The following ISM1 variants were observed in gnomAD, a reference collection of about 807,000 sequenced individuals.
ISM1 encodes the protein isthmin 1.
Under a neutral mutation model 46.3 loss-of-function variants are expected in ISM1, and 25 were observed. That is an observed-to-expected ratio of 0.54 (90% CI 0.39 to 0.75). The LOEUF (loss-of-function observed/expected upper bound fraction) is 0.75, where lower values mean the gene tolerates loss of function less well. Among genes scored for constraint, ISM1 ranks in the 30% least tolerant of loss-of-function variants. The pLI is 0.00. For synonymous variants in ISM1, 255 were observed against 256.7 expected (o/e 0.99, Z 0.06); for missense variants, 536 against 625.4 (o/e 0.86, Z 1.52).
intron 1 of ISM1, among the ~76,000 whole-genome samples, chr20:13,233,479 C>T (rs1003779629): frequency 6.6e-6 from 1 of 151,546 alleles, no homozygotes; most frequent in African/African-American, 2.4e-5. Flanking sequence ...CCTGTAATCC[C>T]AGCTACTCGG....
intron 2 of ISM1, among the ~76,000 whole-genome samples, chr20:13,277,466 G>A (rs145784303): frequency 1.4e-4 from 22 of 152,116 alleles, no homozygotes; most frequent in African/African-American, 3.6e-4. Context: ...GCTCAGCATC[G>A]CCCTGTCACT....
At chr20:13,320,493 A>C in the ISM1 span, among the ~76,000 whole-genome samples, 2 of 152,218 alleles carry the variant, frequency 1.3e-5, no homozygotes, top group Non-Finnish European at 2.9e-5. Flanking sequence ...GACAGATATT[A>C]GGTGGCTTTA....
chr20:13,282,731 C>A (rs940770495), intron 3 of ISM1, among the ~76,000 whole-genome samples: 19 of 152,204 alleles, frequency 1.2e-4, no homozygotes, highest in Non-Finnish European at 5.9e-5. Context: ...CTGTGCAGTA[C>A]CTCTAAAGCA....
At chr20:13,311,239 TA>T in the ISM1 span, among the ~76,000 whole-genome samples, 784 of 110,264 alleles carry the variant, frequency 7.1e-3, 6 homozygotes, top group African/African-American at 0.023. Context: ...GATAGATAGA[TA>T]GATGATAGAT....
intron 1 of ISM1, among the ~76,000 whole-genome samples, chr20:13,235,863 A>T (rs1187160525): frequency 5.9e-5 from 9 of 152,178 alleles, no homozygotes; most frequent in Admixed American, 5.2e-4. Context: ...AGATGCAACA[A>T]GAGAAACAGA....
At chr20:13,225,154 A>C (rs1600473835) in intron 1 of ISM1, among the ~76,000 whole-genome samples, 2 of 151,960 alleles carry the variant, frequency 1.3e-5, no homozygotes, top group South Asian at 2.1e-4. Flanking sequence ...CGCCCGGCCC[A>C]TACTAGCTTT....
chr20:13,239,189 G>A (rs1188108581), intron 1 of ISM1: 1 of 152,178 alleles, frequency 6.6e-6, no homozygotes, highest in Admixed American at 6.6e-5. Context: ...AATAATGAAA[G>A]GCAAGTTCTC....
chr20:13,279,889 C>T lies in ISM1; in HGVS notation c.634C>T (p.Pro212Ser). 1 of 1,613,758 alleles carries T rather than the reference C, an allele frequency of 6.2e-7. No homozygotes were observed. Among genetic ancestry groups the T allele is most frequent in the Non-Finnish European group, 8.5e-7 (1 of 1,179,776 alleles). Residue 212 changes from proline to serine, a missense_variant, in exon 3 of 6, where the codon CCA becomes TCA. By Grantham distance (74) the Pro-to-Ser change is moderately conservative (BLOSUM62 -1). Around this residue, in one of 2 missense-constraint regions of ISM1, gnomAD observed 367 missense variants for 376.1 expected, o/e 0.98. Coordinates refer to ENST00000262487, the MANE Select transcript of ISM1 (RefSeq NM_080826.2). The part of the protein sequence containing the change: ...GHRTFETKDQ[P>S]EYDSTDGEGD... ...CCGGACTTTTGAAACCAAAGATCAG[C>T]CAGAATATGGTGAGTTTACCACCTA...
rs551609211 is a variant in ISM1 at position 13,295,172 on chromosome 20, C to G, written c.877+2709C>G. ...TCTTTACTCCAAAGTCCACCAGCCA[C>G]CAAGGCCTGGCAGCTGTAACTCTCT... On this transcript the variant is annotated intron_variant, in intron 5 of 5. Transcript: ENST00000262487. 4.6e-5 allele frequency among the ~76,000 whole-genome samples: 7 copies of G among 152,286 alleles called. No individual in the cohort carries two copies. The South Asian group carries it at 1.5e-3, about 32-fold the overall frequency.
intron 1 of ISM1, among the ~76,000 whole-genome samples, chr20:13,251,340 C>A (rs1450351262): frequency 6.6e-6 from 1 of 152,222 alleles, no homozygotes; most frequent in Non-Finnish European, 1.5e-5. Context: ...CAGTTCTTAA[C>A]CTTCAAACTG....
intron 1 of ISM1, among the ~76,000 whole-genome samples, chr20:13,237,405 A>G (rs1001889273): frequency 6.6e-6 from 1 of 152,226 alleles, no homozygotes; most frequent in Non-Finnish European, 1.5e-5. Flanking sequence ...ACAAATGACA[A>G]CTATATGCAA....
chr20:13,248,166 C>A (rs2039823978), intron 1 of ISM1, among the ~76,000 whole-genome samples: 2 of 152,212 alleles, frequency 1.3e-5, no homozygotes, highest in African/African-American at 4.8e-5. Context: ...TAGTACATTT[C>A]TTTGTGTGCA....
rs73901626 is a variant in ISM1, at chr20:13,267,453, A to G, written c.139-3051A>G. Among the ~76,000 whole-genome samples, 1,521 of 152,226 alleles carry G rather than the reference A, an allele frequency of 1.0e-2. 32 individuals are homozygous for G. Among genetic ancestry groups the G allele is most frequent in the African/African-American group, 0.035 (1,445 of 41,530 alleles). On this transcript the variant is annotated intron_variant, in intron 1 of 5. Transcript: ENST00000262487. Reference sequence around the variant, plus strand: ...GCCCAGCCAGTGACCCTAACGCGACACTTCCCTTTCCATGTGTAGACACAA... The same window carrying G: ...GCCCAGCCAGTGACCCTAACGCGACGCTTCCCTTTCCATGTGTAGACACAA...
intron 3 of ISM1, among the ~76,000 whole-genome samples, chr20:13,286,758 G>T (rs561291006): frequency 6.6e-6 from 1 of 152,328 alleles, no homozygotes; most frequent in African/African-American, 2.4e-5. Flanking sequence ...GTAAACAACA[G>T]CCTGGAAGGC....
At chr20:13,312,350 T>A in the ISM1 span, among the ~76,000 whole-genome samples, 1 of 152,296 alleles carries the variant, frequency 6.6e-6, no homozygotes, top group African/African-American at 2.4e-5. Context: ...TATGGAAATG[T>A]CGTGGGTGAG....
chr20:13,295,829 G>A (rs1166402182), intron 5 of ISM1, among the ~76,000 whole-genome samples: 1 of 152,214 alleles, frequency 6.6e-6, no homozygotes, highest in Non-Finnish European at 1.5e-5. Context: ...AGAGCAGCCA[G>A]GGGGTGGATG....
intron 1 of ISM1, among the ~76,000 whole-genome samples, chr20:13,237,585 A>G (rs1332356678): frequency 1.3e-5 from 2 of 152,196 alleles, no homozygotes; most frequent in African/African-American, 4.8e-5. Context: ...CAAGGAGGGC[A>G]GCTAGGGTGC....
At chr20:13,289,618 AG>A (rs2040331111) in intron 4 of ISM1, among the ~76,000 whole-genome samples, 1 of 151,778 alleles carries the variant, frequency 6.6e-6, no homozygotes, top group Non-Finnish European at 1.5e-5. Context: ...AAGAAAGAGA[AG>A]GAGGAGGAAG....
chr20:13,255,694 T>A (rs779660685), intron 1 of ISM1, among the ~76,000 whole-genome samples: 1 of 152,212 alleles, frequency 6.6e-6, no homozygotes, highest in Non-Finnish European at 1.5e-5. Context: ...TCATTCCCTC[T>A]GGGAAGACAA....
Sources: allele counts gnomAD v4.1 joint callset (sites outside exome capture counted in the v4.1 genomes callset), GRCh38; gene constraint gnomAD v4.1.1; regional missense constraint gnomAD v4.1.1; transcripts MANE v1.5; gene names NCBI Gene and HGNC (gene_info 2026-07-23, HGNC 2026-07-21).